Variants in DZIP3 observed in about 807,000 individuals in gnomAD.
DZIP3 encodes DAZ interacting zinc finger protein 3, also known as E3 ubiquitin-protein ligase DZIP3.
A neutral mutation model predicts 162.0 loss-of-function variants in DZIP3; 118 were observed. The ratio of observed to expected loss-of-function variants is 0.73; its 90% confidence interval spans 0.63 to 0.85. DZIP3 has a LOEUF of 0.85. Ranked by LOEUF, DZIP3 falls within the 40% of genes least tolerant of loss-of-function variation. The pLI is 0.00. For missense variants in DZIP3, 1,331 were observed against 1,407.0 expected (o/e 0.95, Z 0.86); for synonymous variants, 438 against 458.6 (o/e 0.96, Z 0.57).
At chr3:108,619,508 C>G (rs1172956468) in intron 5 of DZIP3, among the ~76,000 whole-genome samples, 5 of 152,074 alleles carry the variant, frequency 3.3e-5, no homozygotes, top group African/African-American at 1.2e-4. Context: ...TAACTCATCC[C>G]AGTTCTGAAG....
At chr3:108,687,864 G>C in intron 28 of DZIP3, 112 bp from the exon 29 acceptor site, 1 of 1,393,052 alleles carries the variant, frequency 7.2e-7, no homozygotes, top group Non-Finnish European at 1.0e-6. Flanking sequence ...AGTCCTGTCT[G>C]TATGCTACAT....
chr3:108,631,050 C>T (rs868109975), intron 8 of DZIP3, among the ~76,000 whole-genome samples: 63 of 112,038 alleles, frequency 5.6e-4, no homozygotes, highest in Non-Finnish European at 8.9e-4. Context: ...CACACACACA[C>T]ACACACTCTC....
chr3:108,659,755 A>C (rs1472495193), intron 19 of DZIP3, among the ~76,000 whole-genome samples: 1 of 152,218 alleles, frequency 6.6e-6, no homozygotes. Context: ...TCTCAGCCCA[A>C]AATCTCCTTA....
chr3:108,662,650 T>A (rs1943493644), intron 21 of DZIP3, among the ~76,000 whole-genome samples: 1 of 152,212 alleles, frequency 6.6e-6, no homozygotes, highest in African/African-American at 2.4e-5. Flanking sequence ...GGTCTTTCAT[T>A]TGTGTTCTAA....
chr3:108,605,868 G>T (rs1940320064), intron 2 of DZIP3, among the ~76,000 whole-genome samples: 1 of 152,164 alleles, frequency 6.6e-6, no homozygotes, highest in African/African-American at 2.4e-5. Context: ...CGTAACCTTG[G>T]GAAGCCAGTA....
At chr3:108,633,974 T>TG (rs1942019593) in intron 9 of DZIP3, among the ~76,000 whole-genome samples, 1 of 150,922 alleles carries the variant, frequency 6.6e-6, no homozygotes, top group Non-Finnish European at 1.5e-5. Flanking sequence ...TCAGAATACT[T>TG]CTGATAGATC....
intron 5 of DZIP3, among the ~76,000 whole-genome samples, chr3:108,621,328 T>C (rs1941326958): frequency 6.6e-6 from 1 of 152,214 alleles, no homozygotes; most frequent in Admixed American, 6.5e-5. Flanking sequence ...TATATAGGTG[T>C]ACATTTTATG....
intron 2 of DZIP3, among the ~76,000 whole-genome samples, chr3:108,606,164 A>G (rs542108739): frequency 6.6e-6 from 1 of 152,332 alleles, no homozygotes; most frequent in African/African-American, 2.4e-5. Flanking sequence ...GAGTGCTGTT[A>G]TTATCCCTAT....
At chr3:108,597,698 G>C (rs551402585) in intron 1 of DZIP3, among the ~76,000 whole-genome samples, 97 of 152,158 alleles carry the variant, frequency 6.4e-4, no homozygotes, top group Non-Finnish European at 1.1e-3. Flanking sequence ...CCAGAGTACA[G>C]TATGCACACC....
At position 108,629,047 on chromosome 3, in the gene DZIP3, T is replaced by C; in HGVS notation, c.582-15T>C. On this transcript the variant is annotated splice_polypyrimidine_tract_variant and intron_variant, in intron 7 of 32. Coordinates refer to ENST00000361582, the MANE Select transcript of DZIP3 (RefSeq NM_014648.4). ...AGTCCCGTTCAAACTAACCTTATTT[T>C]AAAATGCCTTTCAGATATAATGGAG... 6.5e-7 allele frequency: 1 copy of C among 1,527,502 alleles called. No individual in the cohort carries two copies. The highest frequency in any genetic ancestry group is 1.2e-5 in the South Asian group (1 of 81,708). The allele number at this position is 1,527,502 out of a possible 1,614,324, so 94.6% of individuals were successfully genotyped here. A position where few individuals can be genotyped will look rare whatever the true frequency, so the allele number is the denominator to read the frequency against.
intron 8 of DZIP3, among the ~76,000 whole-genome samples, chr3:108,631,056 C>CACACACACACA (rs1385172484): frequency 1.7e-4 from 5 of 29,050 alleles, no homozygotes; most frequent in African/African-American, 3.0e-4. Context: ...CACACACACA[C>CACACACACACA]TCTCTCTCTC....
intron 1 of DZIP3, among the ~76,000 whole-genome samples, chr3:108,592,086 A>C (rs1168995979): frequency 6.6e-6 from 1 of 152,104 alleles, no homozygotes; most frequent in Non-Finnish European, 1.5e-5. Context: ...CTGGTTTTAA[A>C]CTGGCACCTG....
rs141619626 is a variant in DZIP3, at chr3:108,599,643, C to T, written c.-72-5692C>T. 1.5e-3 allele frequency among the ~76,000 whole-genome samples: 235 copies of T among 152,274 alleles called. 1 individual carries two copies. Among genetic ancestry groups the T allele is most frequent in the African/African-American group, 5.5e-3 (229 of 41,564 alleles). Reference sequence around the variant, plus strand: ...TGGACCGAATGTTTGTGTCCCCCCTCATTCAGTGTTGAAATCCTAACCCCC... The same window carrying T: ...TGGACCGAATGTTTGTGTCCCCCCTTATTCAGTGTTGAAATCCTAACCCCC... On this transcript the variant is annotated intron_variant, in intron 1 of 32. Coordinates refer to ENST00000361582, the MANE Select transcript of DZIP3 (RefSeq NM_014648.4).
chr3:108,620,508 T>G (rs779594535), intron 5 of DZIP3, among the ~76,000 whole-genome samples: 1 of 152,212 alleles, frequency 6.6e-6, no homozygotes, highest in Non-Finnish European at 1.5e-5. Flanking sequence ...CAGGCTTGTA[T>G]AGTTCTGTGC....
chr3:108,662,826 T>G (rs1157976604), intron 21 of DZIP3, among the ~76,000 whole-genome samples: 1 of 152,228 alleles, frequency 6.6e-6, no homozygotes, highest in Non-Finnish European at 1.5e-5. Context: ...TTGTTCTTTT[T>G]GTACTAATCA....
chr3:108,692,474 C>T (rs1944734882), intron 32 of DZIP3, among the ~76,000 whole-genome samples: 1 of 152,176 alleles, frequency 6.6e-6, no homozygotes, highest in African/African-American at 2.4e-5. Context: ...TGAATAGTCT[C>T]ATTCAATTTG....
intron 19 of DZIP3, among the ~76,000 whole-genome samples, chr3:108,658,989 G>T (rs1943283898): frequency 6.6e-6 from 1 of 152,112 alleles, no homozygotes; most frequent in Non-Finnish European, 1.5e-5. Context: ...TGAAATTGAG[G>T]CAATAATTAA....
chr3:108,675,124 A>AT (rs1484170381), intron 24 of DZIP3, among the ~76,000 whole-genome samples: 1 of 151,928 alleles, frequency 6.6e-6, no homozygotes, highest in Non-Finnish European at 1.5e-5. Context: ...GTTATAATGG[A>AT]TAGAACCTTT....
intron 6 of DZIP3, among the ~76,000 whole-genome samples, chr3:108,624,749 T>A (rs1319807920): frequency 6.6e-6 from 1 of 152,158 alleles, no homozygotes; most frequent in African/African-American, 2.4e-5. Flanking sequence ...CTAGTATAGC[T>A]TAATCCCTCT....
Sources: allele counts gnomAD v4.1 joint callset (sites outside exome capture counted in the v4.1 genomes callset), GRCh38; gene constraint gnomAD v4.1.1; transcripts MANE v1.5; gene names NCBI Gene and HGNC (gene_info 2026-07-23, HGNC 2026-07-21).